Variants in ROBO1 observed in about 807,000 individuals in gnomAD.
ROBO1 encodes the protein roundabout guidance receptor 1.
Under a neutral mutation model 195.9 loss-of-function variants are expected in ROBO1, and 149 were observed. The ratio of observed to expected loss-of-function variants is 0.76; its 90% CI spans 0.67 to 0.87. ROBO1 has a LOEUF of 0.87. Ranked by LOEUF, ROBO1 falls within the 40% of genes least tolerant of loss-of-function variation. The probability of loss-of-function intolerance (pLI) is 0.00; values close to 1 mark genes in which losing one functional copy is unlikely to be tolerated. For missense variants in ROBO1, 1,933 were observed against 2,068.3 expected (o/e 0.93, Z 1.27); for synonymous variants, 816 against 733.2 (o/e 1.11, Z -1.82).
chr3:78,828,068 T>C (rs1238143249), intron 4 of ROBO1, among the ~76,000 whole-genome samples: 1 of 152,194 alleles, frequency 6.6e-6, no homozygotes, highest in African/African-American at 2.4e-5. Flanking sequence ...ATGTTTAAAG[T>C]AAATCCAAAC....
chr3:79,758,274 C>G (rs1179660837), intron 1 of ROBO1, among the ~76,000 whole-genome samples: 1 of 152,160 alleles, frequency 6.6e-6, no homozygotes, highest in East Asian at 1.9e-4. Context: ...ATATTCATTG[C>G]ATAAAATTGG....
chr3:79,683,063 GATTT>G (rs1213140693), intron 1 of ROBO1, among the ~76,000 whole-genome samples: 10 of 151,846 alleles, frequency 6.6e-5, no homozygotes, highest in Admixed American at 1.3e-4. Context: ...AGTATTATCT[GATTT>G]ATTTTTGTCT....
intron 1 of ROBO1, among the ~76,000 whole-genome samples, chr3:79,604,541 A>G (rs964831333): frequency 5.9e-5 from 9 of 152,018 alleles, no homozygotes; most frequent in African/African-American, 2.2e-4. Flanking sequence ...TTTGTTGCAA[A>G]GTAAATATAC....
chr3:79,571,211 C>A (rs574424000), intron 2 of ROBO1, among the ~76,000 whole-genome samples: 2 of 152,092 alleles, frequency 1.3e-5, no homozygotes, highest in East Asian at 1.9e-4. Flanking sequence ...AAACGAGTGA[C>A]CTTCCAAAGG....
chr3:78,884,634 A>AGAAG (rs2036404011), intron 4 of ROBO1, among the ~76,000 whole-genome samples: 1 of 76,344 alleles, frequency 1.3e-5, no homozygotes, highest in African/African-American at 7.1e-5. Flanking sequence ...AGAAAGAAAG[A>AGAAG]GAAAGAAAGA....
intron 4 of ROBO1, among the ~76,000 whole-genome samples, chr3:78,884,737 G>GGAAA (rs1178734092): frequency 1.4e-5 from 2 of 140,738 alleles, no homozygotes; most frequent in East Asian, 4.2e-4. Flanking sequence ...AAGGAAGGAA[G>GGAAA]GAAAGAAAGG....
At chr3:79,682,226 C>T (rs550166452) in intron 1 of ROBO1, among the ~76,000 whole-genome samples, 1 of 151,974 alleles carries the variant, frequency 6.6e-6, no homozygotes, top group Non-Finnish European at 1.5e-5. Context: ...TTCTTATACT[C>T]TAATAATTAG....
chr3:79,206,692 C>G (rs181941106), intron 2 of ROBO1, among the ~76,000 whole-genome samples: 2 of 152,106 alleles, frequency 1.3e-5, no homozygotes, highest in East Asian at 3.9e-4. Context: ...TAAAATATAT[C>G]ACTTCCACTA....
At chr3:79,472,010 A>G (rs1938304972) in intron 2 of ROBO1, among the ~76,000 whole-genome samples, 1 of 151,956 alleles carries the variant, frequency 6.6e-6, no homozygotes, top group Non-Finnish European at 1.5e-5. Flanking sequence ...GGTGTAGCAA[A>G]CCACCAAGGC....
chr3:78,673,603 T>C (rs1004717277), intron 10 of ROBO1, among the ~76,000 whole-genome samples: 147 of 55,104 alleles, frequency 2.7e-3, no homozygotes, highest in East Asian at 3.4e-3. Context: ...TATATATATA[T>C]ATACACACAT....
In ROBO1 at chr3:79,658,847, C is replaced by T. The variant is rs115388364; in HGVS notation, c.-50-68886G>A. 7.0e-3 allele frequency among the ~76,000 whole-genome samples: 1,055 copies of T among 151,796 alleles called. 7 individuals carry two copies. The highest frequency in any genetic ancestry group is 0.022 in the African/African-American group (930 of 41,414). ...GCAATGGTACAATCCTGGCTCACTG[C>T]AACCTCAGCTTCCCAAGTAGCTGAG... On this transcript the variant is annotated intron_variant, in intron 1 of 30. Coordinates refer to ENST00000464233, the MANE Select transcript of ROBO1 (RefSeq NM_002941.4).
chr3:79,765,705 G>A (rs1391798753), intron 1 of ROBO1, among the ~76,000 whole-genome samples: 1 of 152,086 alleles, frequency 6.6e-6, no homozygotes, highest in African/African-American at 2.4e-5. Context: ...GGAGGCACAT[G>A]GAAAGCGAGG....
chr3:78,686,357 C>A (rs1376872302), intron 9 of ROBO1, among the ~76,000 whole-genome samples: 12 of 151,962 alleles, frequency 7.9e-5, no homozygotes, highest in Admixed American at 7.9e-4. Context: ...GAGATCGAGA[C>A]CATCCTGGCT....
Position 78,646,162 on chromosome 3 carries a change from G to C in ROBO1, c.2868C>G (p.Val956=), listed in dbSNP as rs894863783. The C allele has an allele frequency of 6.2e-7, 1 of 1,605,880 alleles. No individual in the cohort carries two copies. Among genetic ancestry groups the C allele is most frequent in the African/African-American group, 1.3e-5 (1 of 74,602 alleles). ...AAGATAATTACCTCCCTCCACTGCT[G>C]ACAGCTTCGCCTCCTCTCTGGTAAG... ...TVTYQRGGEA[V]SSGGRPGLLN... Residue 956 remains valine, a synonymous_variant, in exon 21 of 31, where the codon GTC becomes GTG. Coordinates refer to ENST00000464233, the MANE Select transcript of ROBO1 (RefSeq NM_002941.4).
chr3:79,748,484 C>T (rs1409951364), intron 1 of ROBO1, among the ~76,000 whole-genome samples: 7 of 152,022 alleles, frequency 4.6e-5, no homozygotes, highest in African/African-American at 1.7e-4. Flanking sequence ...GGTGTTTAAA[C>T]CTAATTAGTT....
intron 1 of ROBO1, among the ~76,000 whole-genome samples, chr3:79,697,680 G>T (rs142550828): frequency 1.5e-3 from 222 of 151,460 alleles, no homozygotes; most frequent in African/African-American, 5.0e-3. Flanking sequence ...AATTTTTAAA[G>T]TTCCATGGAT....
rs1255686559 is a variant in ROBO1 at position 79,210,012 on chromosome 3, AG to A, written c.89-84474del. Among the ~76,000 whole-genome samples the A allele has an allele frequency of 6.6e-5, 10 of 152,176 alleles. No homozygotes were observed. The East Asian group carries it at 1.7e-3, about 26-fold the overall frequency. On this transcript the variant is annotated intron_variant, in intron 2 of 30. Coordinates refer to ENST00000464233, the MANE Select transcript of ROBO1 (RefSeq NM_002941.4). ...GAATATACTTAACCAAGGAGGCAAA[AG>A]ATCTCTACAAGGAAAACTACAAAAC...
intron 2 of ROBO1, among the ~76,000 whole-genome samples, chr3:79,455,912 A>G (rs1441476978): frequency 1.3e-5 from 2 of 152,130 alleles, no homozygotes; most frequent in African/African-American, 4.8e-5. Flanking sequence ...CTAAGCTTCC[A>G]TCTGTATAAC....
At chr3:79,020,414 A>G (rs936015895) in intron 3 of ROBO1, among the ~76,000 whole-genome samples, 7 of 152,232 alleles carry the variant, frequency 4.6e-5, no homozygotes, top group Admixed American at 1.3e-4. Flanking sequence ...CACAGTGGCC[A>G]GGCGCTGTGG....
Sources: gnomAD v4.1 joint callset for allele counts (sites outside exome capture counted in the v4.1 genomes callset) on GRCh38, gnomAD v4.1.1 for gene constraint, MANE v1.5 for transcripts, NCBI Gene and HGNC (gene_info 2026-07-23, HGNC 2026-07-21) for gene names.